TBC1D22A: variants seen among roughly 807,000 people sequenced by gnomAD.
The protein encoded by TBC1D22A is putative GTPase activator.
TBC1D22A carries 38 observed loss-of-function variants against 60.2 expected under a neutral mutation model. The observed-to-expected ratio is 0.63, with a 90% CI of 0.49 to 0.83. The LOEUF is 0.83. Ranked by LOEUF, TBC1D22A falls within the 40% of genes least tolerant of loss-of-function variation. TBC1D22A has a pLI of 0.00. For synonymous variants in TBC1D22A, 302 were observed against 281.7 expected, an observed-to-expected ratio of 1.07 and a Z score of -0.72; for missense variants, 628 against 701.0, an observed-to-expected ratio of 0.90 and a Z score of 1.18.
intron 1 of TBC1D22A, among the ~76,000 whole-genome samples, chr22:46,771,829 AAGTGAT>A (rs2083489805): frequency 6.6e-6 from 1 of 151,928 alleles, no homozygotes; most frequent in Admixed American, 6.6e-5. Context: ...TCCTGACCTC[AAGTGAT>A]CCACCCGCCT....
Position 46,797,447 on chromosome 22 carries a change from G to T in TBC1D22A, c.464G>T (p.Ser155Ile), listed in dbSNP as rs762974977. 7 of 1,612,696 alleles carry T rather than the reference G, an allele frequency of 4.3e-6. No individual in the cohort carries two copies. In the East Asian group the frequency reaches 1.6e-4, roughly 36 times the overall value. ...CCCCATTCTCTCACCCCTGCAGAAA[G>T]TGCCAGCGATGCCGCCCCTCTGCAG... is the stretch of plus-strand genomic sequence containing the variant. The part of the protein sequence containing the change: ...SESHTSCPAE[S>I]ASDAAPLQRS... The change falls in exon 4 of 13, where the codon AGT (serine) becomes ATT (isoleucine). Residue 155 changes from serine (S) to isoleucine (I), a missense_variant. Physicochemically the swap from Ser to Ile is moderately radical, Grantham distance 142. Coordinates refer to ENST00000337137, the MANE Select transcript of TBC1D22A (RefSeq NM_014346.5).
chr22:47,080,837 T>A (rs781282268), intron 11 of TBC1D22A, among the ~76,000 whole-genome samples: 20 of 152,070 alleles, frequency 1.3e-4, no homozygotes, highest in Non-Finnish European at 2.4e-4. Context: ...CATTGAAACA[T>A]CTTGGCCGGG....
At chr22:46,807,634 C>T (rs1035869177) in intron 4 of TBC1D22A, among the ~76,000 whole-genome samples, 4 of 152,084 alleles carry the variant, frequency 2.6e-5, no homozygotes, top group African/African-American at 7.2e-5. Flanking sequence ...ATGAGTAGGG[C>T]GGCAGGATTC....
chr22:46,909,525 T>G (rs1183482179), intron 7 of TBC1D22A, among the ~76,000 whole-genome samples: 1 of 152,152 alleles, frequency 6.6e-6, no homozygotes, highest in Non-Finnish European at 1.5e-5. Context: ...GGGATGTCAG[T>G]GGCCTCAGGC....
intron 8 of TBC1D22A, among the ~76,000 whole-genome samples, chr22:46,956,541 G>GAAGC (rs1439211444): frequency 1.3e-5 from 2 of 152,350 alleles, no homozygotes; most frequent in African/African-American, 4.8e-5. Flanking sequence ...AGACTTAGAA[G>GAAGC]AAGCAGAGAG....
intron 8 of TBC1D22A, among the ~76,000 whole-genome samples, chr22:46,944,680 G>C (rs1245044284): frequency 2.0e-5 from 3 of 152,198 alleles, no homozygotes; most frequent in East Asian, 1.9e-4. Flanking sequence ...TTATAGGCGT[G>C]AGCCACCGTG....
chr22:46,788,332 AG>A (rs1175480647), intron 1 of TBC1D22A, among the ~76,000 whole-genome samples: 2 of 152,226 alleles, frequency 1.3e-5, no homozygotes. Flanking sequence ...CAAAGATTAA[AG>A]GACTTAACAC....
At chr22:47,029,736 C>T (rs1195926299) in intron 10 of TBC1D22A, among the ~76,000 whole-genome samples, 4 of 152,244 alleles carry the variant, frequency 2.6e-5, no homozygotes, top group Non-Finnish European at 5.9e-5. Flanking sequence ...GCTGTGGGTC[C>T]ATGATTCTGC....
chr22:46,818,124 GT>G (rs1173544782), intron 4 of TBC1D22A, among the ~76,000 whole-genome samples: 13 of 152,198 alleles, frequency 8.5e-5, no homozygotes, highest in Admixed American at 7.9e-4. Context: ...GTAAATTTAA[GT>G]TCCTTGTAGA....
intron 10 of TBC1D22A, among the ~76,000 whole-genome samples, chr22:47,004,268 C>A (rs985667669): frequency 1.3e-5 from 2 of 149,952 alleles, no homozygotes; most frequent in African/African-American, 4.9e-5. Flanking sequence ...ACACACACTC[C>A]TATACACACA....
intron 10 of TBC1D22A, among the ~76,000 whole-genome samples, chr22:47,032,128 G>C (rs1487005361): frequency 1.3e-5 from 2 of 152,228 alleles, no homozygotes; most frequent in African/African-American, 4.8e-5. Flanking sequence ...TGCTGCTCTA[G>C]GCAGGTGACA....
intron 7 of TBC1D22A, among the ~76,000 whole-genome samples, chr22:46,895,235 A>G (rs1460141540): frequency 1.3e-5 from 2 of 151,386 alleles, no homozygotes; most frequent in African/African-American, 4.9e-5. Context: ...TTCCTGGATG[A>G]CGCTTTCTTG....
intron 4 of TBC1D22A, among the ~76,000 whole-genome samples, chr22:46,801,455 C>T (rs1260476763): frequency 6.6e-6 from 1 of 152,244 alleles, no homozygotes; most frequent in Non-Finnish European, 1.5e-5. Context: ...AGCTTACGCT[C>T]TGTTATGAGC....
chr22:46,823,108 C>G (rs891918427), intron 4 of TBC1D22A, among the ~76,000 whole-genome samples: 4 of 152,128 alleles, frequency 2.6e-5, no homozygotes, highest in African/African-American at 9.7e-5. Flanking sequence ...AATTTGAAAT[C>G]CAAAGCATCT....
intron 1 of TBC1D22A, among the ~76,000 whole-genome samples, chr22:46,770,539 C>A (rs1414646565): frequency 6.6e-6 from 1 of 152,234 alleles, no homozygotes; most frequent in Admixed American, 6.5e-5. Flanking sequence ...CCAGCACCTC[C>A]CTCAGCAGAG....
At chr22:47,171,899 CAG>C (rs1601763176) in intron 12 of TBC1D22A, among the ~76,000 whole-genome samples, 1 of 151,010 alleles carries the variant, frequency 6.6e-6, no homozygotes, top group East Asian at 2.1e-4. Context: ...GGGTGGGACT[CAG>C]TGCCCCCATA....
intron 4 of TBC1D22A, among the ~76,000 whole-genome samples, chr22:46,877,947 C>T (rs2067643539): frequency 1.3e-5 from 2 of 152,186 alleles, no homozygotes; most frequent in South Asian, 4.1e-4. Flanking sequence ...GCTTGTCCTT[C>T]CCTGCCCTTG....
At chr22:46,984,321 C>T (rs922231266) in intron 9 of TBC1D22A, among the ~76,000 whole-genome samples, 5 of 126,626 alleles carry the variant, frequency 3.9e-5, no homozygotes, top group South Asian at 2.5e-4. Flanking sequence ...GAGCCGAGAT[C>T]GAGCCACTGC....
At chr22:46,856,043 C>T (rs953877929) in intron 4 of TBC1D22A, among the ~76,000 whole-genome samples, 1 of 152,142 alleles carries the variant, frequency 6.6e-6, no homozygotes, top group East Asian at 1.9e-4. Context: ...GGGAGTCCCT[C>T]GGCAGTGCTG....
Sources: allele counts gnomAD v4.1 joint callset (sites outside exome capture counted in the v4.1 genomes callset), GRCh38; gene constraint gnomAD v4.1.1; transcripts MANE v1.5; gene names NCBI Gene and HGNC (gene_info 2026-07-23, HGNC 2026-07-21).